Variants in LTBP1 observed in about 807,000 individuals in gnomAD.
The protein encoded by LTBP1 is latent-transforming growth factor beta-binding protein 1.
Under a neutral mutation model 207.6 loss-of-function variants are expected in LTBP1, and 129 were observed. The ratio of observed to expected loss-of-function variants is 0.62; its 90% CI spans 0.54 to 0.72. The LOEUF is 0.72. Among genes scored for constraint, LTBP1 ranks in the 30% least tolerant of loss-of-function variants. The pLI is 0.00. For missense variants in LTBP1, 2,281 were observed against 2,217.2 expected (o/e 1.03, Z -0.58); for synonymous variants, 963 against 833.7 (o/e 1.16, Z -2.67).
chr2:33,105,891 T>C (rs1396710712), intron 3 of LTBP1, among the ~76,000 whole-genome samples: 1 of 152,228 alleles, frequency 6.6e-6, no homozygotes, highest in African/African-American at 2.4e-5. Context: ...GATTTCTCTG[T>C]GGCATGCAGT....
chr2:33,347,260 A>G lies in LTBP1; in HGVS notation c.3857-107A>G. The G allele has an allele frequency of 4.0e-6, 5 of 1,256,220 alleles. No individual in the cohort carries two copies. In the South Asian group the frequency reaches 5.5e-5, roughly 14 times the overall value. The allele number at this position is 1,256,220 out of a possible 1,614,324, so 77.8% of individuals were successfully genotyped here. A position where few individuals can be genotyped will look rare whatever the true frequency, so the allele number is the denominator to read the frequency against. On this transcript the variant is annotated intron_variant, in intron 25 of 33. Transcript: ENST00000404816. ...GAAGGGGTTTGACTGCTCTCTGGGG[A>G]TCGCCTTCTTTTCAGCAAGACACTA...
At chr2:33,317,542 C>T (rs2149283901) in intron 24 of LTBP1, among the ~76,000 whole-genome samples, 1 of 152,312 alleles carries the variant, frequency 6.6e-6, no homozygotes, top group Non-Finnish European at 1.5e-5. Context: ...TCTGGCTGTG[C>T]TGCAGGACAA....
chr2:33,257,328 T>G lies in LTBP1; in HGVS notation c.2212T>G (p.Ser738Ala), dbSNP rs2092890635. The G allele has an allele frequency of 6.2e-7, 1 of 1,614,094 alleles. No homozygotes were observed. The highest frequency in any genetic ancestry group is 1.1e-5 in the South Asian group (1 of 91,090). The change falls in exon 12 of 34, where the codon TCT (serine) becomes GCT (alanine). Residue 738 changes from serine (S) to alanine (A), a missense_variant. By Grantham distance (99) the Ser-to-Ala change is moderately conservative. This residue lies in a region of LTBP1 where 1,671 missense variants were observed against 1,634.8 expected (regional missense o/e 1.02). Transcript: ENST00000404816. ...ICPGGMGYTV[S>A]GVHRRRPIHH... ...TCCTGGTGGAATGGGTTATACGGTT[T>G]CTGGCGTTCATAGACGCAGGCCAAT...
chr2:33,268,172 A>G (rs1192093538), intron 15 of LTBP1, among the ~76,000 whole-genome samples: 1 of 152,214 alleles, frequency 6.6e-6, no homozygotes, highest in Non-Finnish European at 1.5e-5. Flanking sequence ...GCACAAGAAG[A>G]CTGTTTTGTA....
intron 23 of LTBP1, among the ~76,000 whole-genome samples, chr2:33,313,843 G>A (rs1232093243): frequency 2.6e-5 from 4 of 152,174 alleles, no homozygotes; most frequent in Non-Finnish European, 5.9e-5. Flanking sequence ...TTATCAAGGA[G>A]CCATCAGTGT....
At chr2:33,237,836 A>G (rs1052116621) in intron 9 of LTBP1, among the ~76,000 whole-genome samples, 1 of 152,224 alleles carries the variant, frequency 6.6e-6, no homozygotes, top group African/African-American at 2.4e-5. Context: ...GTCAAGAGCA[A>G]GAAGGCCCTG....
At chr2:33,306,086 AC>A (rs1353869999) in intron 22 of LTBP1, among the ~76,000 whole-genome samples, 1 of 152,176 alleles carries the variant, frequency 6.6e-6, no homozygotes, top group Non-Finnish European at 1.5e-5. Flanking sequence ...GTAATGTTCA[AC>A]CTTCTTATTG....
intron 3 of LTBP1, among the ~76,000 whole-genome samples, chr2:33,055,937 C>T (rs2076973151): frequency 6.6e-6 from 1 of 152,096 alleles, no homozygotes. Flanking sequence ...GGAAGGGGAG[C>T]TATAGGGAGG....
At chr2:33,351,871 C>T (rs1461911604) in intron 26 of LTBP1, among the ~76,000 whole-genome samples, 2 of 152,170 alleles carry the variant, frequency 1.3e-5, no homozygotes, top group African/African-American at 4.8e-5. Context: ...AATAACATCC[C>T]AGGCAGTTAC....
At chr2:33,029,203 G>A (rs1392607914) in intron 3 of LTBP1, among the ~76,000 whole-genome samples, 4 of 152,166 alleles carry the variant, frequency 2.6e-5, no homozygotes, top group South Asian at 2.1e-4. Context: ...TTGTCCGGGC[G>A]TGATGGCTCA....
intron 2 of LTBP1, among the ~76,000 whole-genome samples, chr2:33,015,298 A>C (rs1345682153): frequency 6.6e-5 from 10 of 152,210 alleles, no homozygotes; most frequent in African/African-American, 1.9e-4. Context: ...GAAGGATTGG[A>C]GACTGCTTGA....
At chr2:33,146,436 G>A (rs2083049595) in intron 5 of LTBP1, among the ~76,000 whole-genome samples, 1 of 152,212 alleles carries the variant, frequency 6.6e-6, no homozygotes, top group African/African-American at 2.4e-5. Flanking sequence ...GCAGAGCGGA[G>A]GGTGGAAGCC....
intron 22 of LTBP1, among the ~76,000 whole-genome samples, chr2:33,304,310 T>C (rs576610178): frequency 7.1e-4 from 108 of 152,302 alleles, no homozygotes; most frequent in African/African-American, 2.5e-3. Flanking sequence ...CAACTAGCAA[T>C]GTTTCCGACC....
chr2:33,351,397 A>C (rs1363673147), intron 26 of LTBP1, among the ~76,000 whole-genome samples: 2 of 152,222 alleles, frequency 1.3e-5, no homozygotes, highest in African/African-American at 4.8e-5. Flanking sequence ...GGACAACAAG[A>C]CATCAAATTC....
chr2:33,008,421 A>G (rs1024735683), intron 2 of LTBP1, among the ~76,000 whole-genome samples: 5 of 152,238 alleles, frequency 3.3e-5, no homozygotes, highest in Non-Finnish European at 5.9e-5. Flanking sequence ...TTTTAAAAAA[A>G]TATTATTGAT....
chr2:33,241,958 G>A (rs2092339339), intron 9 of LTBP1, among the ~76,000 whole-genome samples: 1 of 152,198 alleles, frequency 6.6e-6, no homozygotes, highest in Non-Finnish European at 1.5e-5. Flanking sequence ...GTGCTGTACT[G>A]TGTGCCGTAC....
chr2:33,134,483 C>G lies in LTBP1; in HGVS notation c.1034-310C>G, dbSNP rs745975602. ...CCCTCGGTATTGCTCTTTGTCTGCC[C>G]GTGAATAAAGTGCAGCATTGTGGTT... On this transcript the variant is annotated intron_variant, in intron 4 of 33. Transcript: ENST00000404816. This position sits in a 1 kb window ranked among gnomAD's most constrained non-coding sequence, Gnocchi z 4.4. 1 of 1,215,706 alleles carries G rather than the reference C, an allele frequency of 8.2e-7. No homozygotes were observed. Among genetic ancestry groups the G allele is most frequent in the South Asian group, 1.3e-5 (1 of 77,812 alleles). 75.3% of individuals were successfully genotyped at this position (1,215,706 alleles called of 1,614,324 possible). A position where few individuals can be genotyped will look rare whatever the true frequency, so the allele number is the denominator to read the frequency against.
At chr2:33,042,146 T>G (rs1245802440) in intron 3 of LTBP1, among the ~76,000 whole-genome samples, 1 of 152,210 alleles carries the variant, frequency 6.6e-6, no homozygotes, top group Non-Finnish European at 1.5e-5. Context: ...TTGCCATCCA[T>G]AGATCTTCTT....
chr2:33,125,066 G>T (rs757456520), intron 4 of LTBP1, among the ~76,000 whole-genome samples: 1 of 152,192 alleles, frequency 6.6e-6, no homozygotes, highest in Non-Finnish European at 1.5e-5. Flanking sequence ...CATCACATAG[G>T]TGCTCAATCT....
Sources: gnomAD v4.1 joint callset for allele counts (sites outside exome capture counted in the v4.1 genomes callset) on GRCh38, gnomAD v4.1.1 for gene constraint, gnomAD v4.1.1 regional missense constraint, Gnocchi (gnomAD v3.1) non-coding constraint, MANE v1.5 for transcripts, NCBI Gene and HGNC (gene_info 2026-07-23, HGNC 2026-07-21) for gene names.